SPATA9: variants seen among roughly 807,000 people sequenced by gnomAD.
SPATA9 encodes the protein spermatogenesis-associated protein 9.
Under a neutral mutation model 25.5 loss-of-function variants are expected in SPATA9, and 27 were observed. The observed-to-expected ratio is 1.06, with a 90% confidence interval of 0.78 to 1.46. The LOEUF (loss-of-function observed/expected upper bound fraction) is 1.46. Ranked by LOEUF, SPATA9 falls within the 40% of genes most tolerant of loss-of-function variation. The probability of loss-of-function intolerance (pLI) is 0.00; values close to 1 mark genes in which losing one functional copy is unlikely to be tolerated. For missense variants in SPATA9, 282 were observed against 297.5 expected (o/e 0.95, Z 0.38); for synonymous variants, 102 against 105.7 (o/e 0.97, Z 0.21).
At chr5:95,719,154 T>C in the SPATA9 span, among the ~76,000 whole-genome samples, 1 of 152,158 alleles carries the variant, frequency 6.6e-6, no homozygotes, top group Non-Finnish European at 1.5e-5. Flanking sequence ...ATACTGAGCA[T>C]TTAATGAACA....
At chr5:95,675,342 A>G in intron 3 of SPATA9, 70 bp downstream of exon 3, 9 of 1,271,832 alleles carry the variant, frequency 7.1e-6, no homozygotes, top group Non-Finnish European at 9.8e-6. Context: ...ACCACATTTT[A>G]TTTTTCAAGT....
chr5:95,691,891 T>G (rs1418185824), intron 1 of SPATA9, among the ~76,000 whole-genome samples: 2 of 152,170 alleles, frequency 1.3e-5, no homozygotes, highest in Non-Finnish European at 2.9e-5. Context: ...TTTGTTTGTT[T>G]CTGCTGGGAT....
At chr5:95,672,583 G>C (rs1277880087) in intron 3 of SPATA9, among the ~76,000 whole-genome samples, 1 of 151,792 alleles carries the variant, frequency 6.6e-6, no homozygotes, top group African/African-American at 2.4e-5. Flanking sequence ...TTAGAATAAG[G>C]GCAAAGAAGA....
At chr5:95,698,482 C>G (rs747815423) in intron 1 of SPATA9, 4 of 152,186 alleles carry the variant, frequency 2.6e-5, no homozygotes, top group Non-Finnish European at 5.9e-5. Context: ...GTAGAAGGTT[C>G]CCGGAAGGCT....
At chr5:95,697,594 C>T (rs941637431) in intron 1 of SPATA9, among the ~76,000 whole-genome samples, 2 of 152,168 alleles carry the variant, frequency 1.3e-5, no homozygotes, top group Non-Finnish European at 1.5e-5. Flanking sequence ...AAGGTAACCT[C>T]CGTCTCTTGT....
intron 1 of SPATA9, among the ~76,000 whole-genome samples, chr5:95,690,482 G>C (rs933182429): frequency 2.0e-5 from 3 of 152,178 alleles, no homozygotes; most frequent in Admixed American, 2.0e-4. Flanking sequence ...GAATAATTTT[G>C]AAGGTTAATG....
chr5:95,674,086 GA>G (rs775061699), intron 3 of SPATA9, among the ~76,000 whole-genome samples: 243 of 152,294 alleles, frequency 1.6e-3, no homozygotes, highest in Middle Eastern at 3.4e-3. Context: ...AGTTCATAAA[GA>G]ATCCAGTGGT....
the SPATA9 span, chr5:95,717,025 G>A: frequency 7.9e-5 from 12 of 152,198 alleles, no homozygotes; most frequent in African/African-American, 2.9e-4. Flanking sequence ...GTCTTTATTA[G>A]CAGCATGAGA....
intron 3 of SPATA9, among the ~76,000 whole-genome samples, chr5:95,665,131 A>G (rs1036596764): frequency 5.3e-5 from 8 of 152,292 alleles, no homozygotes; most frequent in African/African-American, 1.7e-4. Context: ...TTCCCATAGA[A>G]GTCTATGTTA....
chr5:95,723,949 A>G, the SPATA9 span, among the ~76,000 whole-genome samples: 2 of 152,242 alleles, frequency 1.3e-5, no homozygotes, highest in South Asian at 4.1e-4. Context: ...CTAAGAATAC[A>G]ATAAAACACA....
the SPATA9 span, among the ~76,000 whole-genome samples, chr5:95,715,648 A>G: frequency 7.9e-5 from 12 of 152,192 alleles, no homozygotes; most frequent in African/African-American, 2.9e-4. Flanking sequence ...TAAAAATAAT[A>G]TAGAAAAAAT....
chr5:95,683,906 C>T (rs373227598), upstream of SPATA9, among the ~76,000 whole-genome samples: 35 of 152,232 alleles, frequency 2.3e-4, no homozygotes, highest in Middle Eastern at 3.4e-3. Context: ...ATTTGAAGCC[C>T]TCATATTTAA....
At chr5:95,723,365 C>CTGT in the SPATA9 span, among the ~76,000 whole-genome samples, 1 of 152,158 alleles carries the variant, frequency 6.6e-6, no homozygotes, top group African/African-American at 2.4e-5. Flanking sequence ...TACAGCCTTG[C>CTGT]AATTTAAAAG....
At chr5:95,672,989 G>T (rs894564598) in intron 3 of SPATA9, among the ~76,000 whole-genome samples, 8 of 152,128 alleles carry the variant, frequency 5.3e-5, no homozygotes, top group Non-Finnish European at 8.8e-5. Flanking sequence ...CTTCTAGAGA[G>T]ACATGTACCT....
intron 2 of SPATA9, among the ~76,000 whole-genome samples, chr5:95,681,797 A>C (rs1580346265): frequency 6.6e-6 from 1 of 152,254 alleles, no homozygotes; most frequent in East Asian, 1.9e-4. Flanking sequence ...TTGGTTATAT[A>C]CCTCATGTTT....
the SPATA9 span, among the ~76,000 whole-genome samples, chr5:95,712,421 T>C: frequency 6.6e-6 from 1 of 152,158 alleles, no homozygotes; most frequent in South Asian, 2.1e-4. Context: ...TAAGACTAGG[T>C]TGTAAAAAGT....
At chr5:95,701,005 C>T (rs1472450351), upstream of SPATA9, among the ~76,000 whole-genome samples, 1 of 152,070 alleles carries the variant, frequency 6.6e-6, no homozygotes, top group East Asian at 1.9e-4. Context: ...ACTGATACTC[C>T]CTAATGTTCA....
chr5:95,657,604 T>TA, downstream of SPATA9: 1 of 152,232 alleles, frequency 6.6e-6, no homozygotes, highest in East Asian at 1.9e-4. Context: ...TCTTGGTTAT[T>TA]ATAAAAATAG....
Position 95,693,058 on chromosome 5 carries a change from G to A in SPATA9, n.124+5530C>T, listed in dbSNP as rs574892476. On this transcript the variant is annotated intron_variant and non_coding_transcript_variant, in intron 1 of 2. Coordinates refer to the SPATA9 transcript ENST00000379990. ...ATTGTATTTTCATCAAGTTTTCCTT[G>A]CATTCTTCATTTTCTTCATTGTTTT... 1.5e-3 allele frequency among the ~76,000 whole-genome samples: 232 copies of A among 152,268 alleles called. 1 individual carries two copies. The highest frequency in any genetic ancestry group is 4.8e-3 in the African/African-American group (199 of 41,568).
Sources: gnomAD v4.1 joint callset for allele counts (sites outside exome capture counted in the v4.1 genomes callset) on GRCh38, gnomAD v4.1.1 for gene constraint, MANE v1.5 for transcripts, NCBI Gene and HGNC (gene_info 2026-07-23, HGNC 2026-07-21) for gene names.